The following PCDHA10 variants were observed in gnomAD, a reference collection of about 807,000 sequenced individuals.
PCDHA10 encodes protocadherin alpha 10, also known as protocadherin alpha-10.
Under a neutral mutation model 61.2 loss-of-function variants are expected in PCDHA10, and 45 were observed. The observed-to-expected ratio is 0.74, with a 90% CI of 0.58 to 0.94. The LOEUF is 0.94. PCDHA10 is among the 40% of genes least tolerant of loss of function. The probability of loss-of-function intolerance (pLI) is 0.00; values close to 1 mark genes in which losing one functional copy is unlikely to be tolerated. For missense variants in PCDHA10, 1,278 were observed against 1,236.2 expected (o/e 1.03, Z -0.51); for synonymous variants, 602 against 548.8 (o/e 1.10, Z -1.35).
chr5:140,999,712 C>T (rs1411166924), intron 3 of PCDHA10, among the ~76,000 whole-genome samples: 9 of 152,204 alleles, frequency 5.9e-5, no homozygotes, highest in African/African-American at 9.6e-5. Flanking sequence ...TAGCTAACTA[C>T]GGAGACCAGC....
At chr5:140,899,494 T>C (rs1387191802) in intron 1 of PCDHA10, among the ~76,000 whole-genome samples, 3 of 152,250 alleles carry the variant, frequency 2.0e-5, no homozygotes, top group Admixed American at 2.0e-4. Flanking sequence ...GGATTACATT[T>C]ATTGATTTGC....
intron 1 of PCDHA10, chr5:140,859,160 T>C (rs1554152196): frequency 6.7e-6 from 1 of 150,194 alleles, no homozygotes; most frequent in Non-Finnish European, 1.5e-5. Context: ...CTCTTCATTA[T>C]CTGCTCCTTT....
chr5:141,005,535 C>T (rs1254351919), intron 3 of PCDHA10, among the ~76,000 whole-genome samples: 2 of 151,078 alleles, frequency 1.3e-5, no homozygotes, highest in Non-Finnish European at 2.9e-5. Flanking sequence ...AACCCCGTCT[C>T]TACTAAAAAT....
chr5:140,979,088 A>G, intron 2 of PCDHA10, 81 bp downstream of exon 2: 1 of 1,559,594 alleles, frequency 6.4e-7, no homozygotes, highest in Non-Finnish European at 8.7e-7. Flanking sequence ...ATAGGCCAGA[A>G]GCAGCTGTCA....
At chr5:140,947,896 G>A (rs1355775996) in intron 1 of PCDHA10, among the ~76,000 whole-genome samples, 5 of 151,478 alleles carry the variant, frequency 3.3e-5, no homozygotes, top group Non-Finnish European at 7.4e-5. Context: ...AACAGAAGTG[G>A]TGAGAGCAGA....
intron 1 of PCDHA10, chr5:140,863,533 G>A: frequency 2.6e-6 from 1 of 389,860 alleles, no homozygotes; most frequent in Non-Finnish European, 5.0e-6. Flanking sequence ...TTCAGATTTT[G>A]GAGATGGACT....
At chr5:140,897,874 T>C (rs541496059) in intron 1 of PCDHA10, among the ~76,000 whole-genome samples, 2,161 of 152,206 alleles carry the variant, frequency 0.014, 44 homozygotes, top group African/African-American at 0.049. Context: ...TTTTAATGAT[T>C]GCCATTCTAA....
intron 1 of PCDHA10, among the ~76,000 whole-genome samples, chr5:140,975,632 A>G (rs1554236932): frequency 1.3e-5 from 2 of 152,216 alleles, no homozygotes; most frequent in African/African-American, 4.8e-5. Context: ...CATGGTACGA[A>G]GATAGCATAT....
intron 1 of PCDHA10, among the ~76,000 whole-genome samples, chr5:140,976,378 C>T (rs908008970): frequency 6.6e-6 from 1 of 151,926 alleles, no homozygotes; most frequent in Admixed American, 6.6e-5. Context: ...TGGTGAAACC[C>T]CATCTCTACT....
chr5:140,862,586 C>G (rs2047435706), intron 1 of PCDHA10: 3 of 498,034 alleles, frequency 6.0e-6, no homozygotes, highest in Non-Finnish European at 1.2e-5. Flanking sequence ...TTCCAGCAGC[C>G]CGAGTACATG....
At chr5:140,980,448 G>A (rs1333028932) in intron 2 of PCDHA10, among the ~76,000 whole-genome samples, 7 of 152,122 alleles carry the variant, frequency 4.6e-5, no homozygotes, top group African/African-American at 9.7e-5. Flanking sequence ...TGGACAACAC[G>A]GTGAAACCCT....
chr5:140,876,967 G>T lies in PCDHA10; in HGVS notation c.2388+18531G>T, dbSNP rs200960356. On this transcript the variant is annotated intron_variant, in intron 1 of 3. Coordinates refer to ENST00000307360, the MANE Select transcript of PCDHA10 (RefSeq NM_018901.4). ...GTCCTACTCGCTGGTGGAGCGGCGG[G>T]TGGGCGAGCACGCACTGTCGAGCTA... The T allele has an allele frequency of 3.1e-6, 5 of 1,613,050 alleles. No homozygotes were observed. The South Asian group carries it at 3.3e-5, about 11-fold the overall frequency.
chr5:140,885,391 T>G, intron 1 of PCDHA10, among the ~76,000 whole-genome samples: 1 of 152,112 alleles, frequency 6.6e-6, no homozygotes, highest in East Asian at 1.9e-4. Context: ...TCCCTGCAAA[T>G]CTAATGGTTT....
rs1554169291 is a variant in PCDHA10 at position 140,877,075 on chromosome 5, G to A, written c.2388+18639G>A. On this transcript the variant is annotated intron_variant, in intron 1 of 3. Transcript: ENST00000307360. ...GGAGCTGGAGCTGCTGCAGTTCCAGGTGAGCGCGCGCGACGCCGGCGTGCC... is the reference window on the plus strand; with the variant it reads ...GGAGCTGGAGCTGCTGCAGTTCCAGATGAGCGCGCGCGACGCCGGCGTGCC... 6.2e-7 allele frequency: 1 copy of A among 1,612,986 alleles called. No individual in the cohort carries two copies. The highest frequency in any genetic ancestry group is 1.1e-5 in the South Asian group (1 of 91,036).
chr5:140,972,829 A>G (rs1554234573), intron 1 of PCDHA10, among the ~76,000 whole-genome samples: 1 of 151,808 alleles, frequency 6.6e-6, no homozygotes, highest in Non-Finnish European at 1.5e-5. Flanking sequence ...ACGCCTGGCT[A>G]ATTTTTGTAT....
At position 140,857,748 on chromosome 5, in the gene PCDHA10, C is replaced by T; in HGVS notation, c.1700C>T (p.Ser567Phe). ...ENDNAPALLA[S>F]PAGSAGGAVS... Reference sequence around the variant, plus strand: ...GACAACGCTCCCGCGCTGCTGGCGTCTCCCGCTGGCAGCGCGGGCGGTGCA... The same window carrying T: ...GACAACGCTCCCGCGCTGCTGGCGTTTCCCGCTGGCAGCGCGGGCGGTGCA... The change falls in exon 1 of 4, where the codon TCT becomes TTT. Residue 567 changes from serine to phenylalanine, a missense_variant. Ser to Phe is a radical substitution (Grantham distance 155). Transcript: ENST00000307360. 1 of 1,597,386 alleles carries T rather than the reference C, an allele frequency of 6.3e-7. No homozygotes were observed. The highest frequency in any genetic ancestry group is 1.8e-4 in the Middle Eastern group (1 of 5,704).
chr5:140,900,127 T>A (rs528737566), intron 1 of PCDHA10, among the ~76,000 whole-genome samples: 2 of 152,328 alleles, frequency 1.3e-5, no homozygotes, highest in East Asian at 3.9e-4. Flanking sequence ...GATTTTTAGG[T>A]ACCACAAATA....
At chr5:140,940,199 A>G (rs1253658459) in intron 1 of PCDHA10, among the ~76,000 whole-genome samples, 2 of 152,136 alleles carry the variant, frequency 1.3e-5, no homozygotes, top group Non-Finnish European at 2.9e-5. Flanking sequence ...CATGGGTGTA[A>G]AATTCAAGAT....
intron 1 of PCDHA10, chr5:140,871,365 G>A: frequency 6.2e-7 from 1 of 1,614,218 alleles, no homozygotes; most frequent in Non-Finnish European, 8.5e-7. Context: ...AGCAGAGGCG[G>A]CAGAGGGTGT....
Sources: gnomAD v4.1 joint callset for allele counts (sites outside exome capture counted in the v4.1 genomes callset) on GRCh38, gnomAD v4.1.1 for gene constraint, MANE v1.5 for transcripts, NCBI Gene and HGNC (gene_info 2026-07-23, HGNC 2026-07-21) for gene names.